Variants in CEP192 observed in about 807,000 individuals in gnomAD.
The protein encoded by CEP192 is centrosomal protein of 192 kDa.
CEP192 carries 151 observed loss-of-function variants against 271.8 expected under a neutral mutation model. The observed-to-expected ratio is 0.56, with a 90% confidence interval of 0.49 to 0.64. CEP192 has a LOEUF of 0.64. CEP192 is among the 30% of genes least tolerant of loss of function. CEP192 has a pLI of 0.00. For missense variants in CEP192, 2,910 were observed against 3,020.5 expected, an observed-to-expected ratio of 0.96 and a Z score of 0.86; for synonymous variants, 995 against 1,076.5, an observed-to-expected ratio of 0.92 and a Z score of 1.48.
In CEP192 at chr18:13,029,973, G is replaced by A. The variant is rs1367646649; in HGVS notation, c.1361G>A (p.Cys454Tyr). 6.4e-7 allele frequency: 1 copy of A among 1,550,400 alleles called. No individual in the cohort carries two copies. Among genetic ancestry groups the A allele is most frequent in the East Asian group, 2.4e-5 (1 of 40,904 alleles). ...SPTCERRTCE[C>Y]HESIEKNKDK... ...ACTTGTGAAAGGCGAACATGTGAAT[G>A]TCACGAGTCCATCGAAAAGAATAAA... Residue 454 changes from cysteine to tyrosine, a missense_variant, in exon 10 of 45, where the codon TGT (cysteine) becomes TAT (tyrosine). Transcript: ENST00000506447.
chr18:13,118,566 A>G (rs1212962009), intron 44 of CEP192, among the ~76,000 whole-genome samples: 1 of 152,046 alleles, frequency 6.6e-6, no homozygotes, highest in Non-Finnish European at 1.5e-5. Flanking sequence ...TGAGGGCTAA[A>G]CCCTTCCTTT....
chr18:13,092,330 T>A, intron 33 of CEP192, 47 bp from the exon 34 acceptor site: 1 of 1,286,860 alleles, frequency 7.8e-7, no homozygotes, highest in Non-Finnish European at 1.1e-6. Flanking sequence ...CTTTGTGGTA[T>A]GCTTGTGTGA....
At chr18:13,090,832 C>T (rs2039108180) in intron 33 of CEP192, among the ~76,000 whole-genome samples, 1 of 152,146 alleles carries the variant, frequency 6.6e-6, no homozygotes, top group African/African-American at 2.4e-5. Flanking sequence ...AGATGGAACA[C>T]TAACACTTAG....
At chr18:13,087,312 C>T (rs1449126944) in intron 31 of CEP192, 35 bp downstream of exon 31, 1 of 1,522,624 alleles carries the variant, frequency 6.6e-7, no homozygotes, top group Admixed American at 2.0e-5. Context: ...AAAACATCAA[C>T]TCATTTTAAA....
At chr18:12,993,735 GTC>G (rs2033029759) in intron 1 of CEP192, among the ~76,000 whole-genome samples, 1 of 151,950 alleles carries the variant, frequency 6.6e-6, no homozygotes, top group Admixed American at 6.5e-5. Flanking sequence ...GACTGGAAAC[GTC>G]TCTTAATTCT....
At chr18:13,034,771 A>G (rs931534561) in intron 11 of CEP192, among the ~76,000 whole-genome samples, 1 of 147,804 alleles carries the variant, frequency 6.8e-6, no homozygotes, top group Non-Finnish European at 1.5e-5. Context: ...GTGAGCCGAG[A>G]TTGCACCACT....
intron 30 of CEP192, among the ~76,000 whole-genome samples, chr18:13,083,548 G>T (rs912327818): frequency 6.6e-6 from 1 of 152,102 alleles, no homozygotes; most frequent in South Asian, 2.1e-4. Context: ...GCTTCCTTGC[G>T]ATGGGTTCGA....
At chr18:13,124,472 C>G in intron 44 of CEP192, 160 bp from the exon 45 acceptor site, 4 of 584,272 alleles carry the variant, frequency 6.8e-6, no homozygotes, top group Non-Finnish European at 1.1e-5. Context: ...GTGTTATTTT[C>G]TCATTAAATA....
At chr18:13,000,085 T>TTCTCTC (rs776024898) in intron 2 of CEP192, among the ~76,000 whole-genome samples, 1,291 of 77,218 alleles carry the variant, frequency 0.017, 108 homozygotes, top group African/African-American at 0.095. Flanking sequence ...ACTCATTGTC[T>TTCTCTC]TCTCTCTTTT....
intron 36 of CEP192, among the ~76,000 whole-genome samples, chr18:13,097,008 C>A (rs540271284): frequency 1.2e-4 from 18 of 152,280 alleles, no homozygotes; most frequent in African/African-American, 4.3e-4. Context: ...AGAAAGACAA[C>A]ATGAAGTTTA....
rs766430917 is a variant in CEP192 at position 13,017,194 on chromosome 18, A to C, written c.647A>C (p.Asp216Ala). ...PTSLEDSSDD[D>A]IDDEMFYDDH... ...TTCTCGATTTTATCAATAGATGATG[A>C]TATTGATGATGAAATGTTTTATGAT... The change falls in exon 7 of 45, where the codon GAT becomes GCT. Residue 216 changes from aspartate (D) to alanine (A), a missense_variant. Coordinates refer to ENST00000506447, the MANE Select transcript of CEP192 (RefSeq NM_032142.4). The C allele has an allele frequency of 1.3e-6, 2 of 1,541,332 alleles. No homozygotes were observed. The highest frequency in any genetic ancestry group is 1.7e-6 in the Non-Finnish European group (2 of 1,143,276).
intron 38 of CEP192, among the ~76,000 whole-genome samples, chr18:13,102,103 GCTC>G (rs1007761892): frequency 2.8e-4 from 43 of 152,096 alleles, no homozygotes; most frequent in African/African-American, 1.0e-3. Flanking sequence ...TGCTGCCTCT[GCTC>G]CTCTGTGTGT....
chr18:13,063,955 G>A (rs772757485), intron 21 of CEP192, among the ~76,000 whole-genome samples: 8 of 151,536 alleles, frequency 5.3e-5, no homozygotes, highest in Admixed American at 1.3e-4. Context: ...CGAGTAGCTG[G>A]GATTACAGGC....
intron 3 of CEP192, among the ~76,000 whole-genome samples, chr18:13,004,412 C>T (rs772108360): frequency 2.0e-5 from 3 of 151,960 alleles, no homozygotes; most frequent in Non-Finnish European, 2.9e-5. Flanking sequence ...GCTGCAGCAA[C>T]GTCTGTGTCA....
chr18:13,107,857 G>A (rs1423358222), intron 40 of CEP192, among the ~76,000 whole-genome samples: 9 of 142,988 alleles, frequency 6.3e-5, no homozygotes, highest in African/African-American at 1.8e-4. Flanking sequence ...ATGAGTTAAA[G>A]CGATTAGAAA....
chr18:13,075,440 C>T (rs921439961), intron 30 of CEP192, among the ~76,000 whole-genome samples: 3 of 152,192 alleles, frequency 2.0e-5, no homozygotes, highest in African/African-American at 7.2e-5. Context: ...GTGGCACACA[C>T]CTGTAGTCCC....
At chr18:13,099,682 A>G in intron 37 of CEP192, 101 bp downstream of exon 37, 1 of 627,306 alleles carries the variant, frequency 1.6e-6, no homozygotes, top group South Asian at 2.4e-5. Context: ...AATCAAATGA[A>G]AGCGTACTTG....
chr18:13,055,885 A>C lies in CEP192; in HGVS notation c.3295A>C (p.Arg1099=), dbSNP rs780243462. Residue 1099 remains arginine, a synonymous_variant, in exon 19 of 45, where the codon AGA becomes CGA. Transcript: ENST00000506447. The part of the protein sequence containing the change: ...KLREKVPFQN[R]GKGTLSSIIQ... The stretch of plus-strand genomic sequence containing the variant: ...GAGAGAAAAAGTTCCATTTCAGAAT[A>C]GAGGAAAAGGAACATTATCATCTAT... The C allele has an allele frequency of 3.7e-6, 6 of 1,613,752 alleles. No individual in the cohort carries two copies. Among genetic ancestry groups the C allele is most frequent in the Middle Eastern group, 3.3e-4 (2 of 6,060 alleles).
At chr18:13,002,496 C>T (rs1195925228) in intron 3 of CEP192, among the ~76,000 whole-genome samples, 2 of 151,992 alleles carry the variant, frequency 1.3e-5, no homozygotes, top group African/African-American at 4.8e-5. Context: ...ATACATTTTT[C>T]GCACCTAGGA....
Sources: allele counts gnomAD v4.1 joint callset (sites outside exome capture counted in the v4.1 genomes callset), GRCh38; gene constraint gnomAD v4.1.1; transcripts MANE v1.5; gene names NCBI Gene and HGNC (gene_info 2026-07-23, HGNC 2026-07-21).